Variants in CBL observed in about 807,000 individuals in gnomAD.
CBL encodes E3 ubiquitin-protein ligase CBL.
Under a neutral mutation model 96.9 loss-of-function variants are expected in CBL, and 45 were observed. That is an observed-to-expected ratio of 0.46 (90% confidence interval 0.37 to 0.60). The LOEUF is 0.60. Among genes scored for constraint, CBL ranks in the 20% least tolerant of loss-of-function variants. The probability of loss-of-function intolerance (pLI) is 0.00; values close to 1 mark genes in which losing one functional copy is unlikely to be tolerated. For missense variants in CBL, 1,024 were observed against 1,143.5 expected, an observed-to-expected ratio of 0.90 and a Z score of 1.51; for synonymous variants, 420 against 426.8, an observed-to-expected ratio of 0.98 and a Z score of 0.20.
chr11:119,229,681 A>G (rs1299150474), intron 1 of CBL, among the ~76,000 whole-genome samples: 1 of 152,052 alleles, frequency 6.6e-6, no homozygotes, highest in Non-Finnish European at 1.5e-5. Flanking sequence ...ATTGAGAATG[A>G]TGTATTTAGT....
At chr11:119,212,540 C>T (rs1180707020) in intron 1 of CBL, among the ~76,000 whole-genome samples, 1 of 151,856 alleles carries the variant, frequency 6.6e-6, no homozygotes, top group Non-Finnish European at 1.5e-5. Context: ...GCAGGAGAAT[C>T]CCTTGAACCC....
intron 2 of CBL, among the ~76,000 whole-genome samples, chr11:119,262,580 A>G (rs1949762117): frequency 6.6e-6 from 1 of 152,164 alleles, no homozygotes; most frequent in African/African-American, 2.4e-5. Flanking sequence ...AAAGTAGGTA[A>G]TATTTTCCAG....
At chr11:119,269,684 G>A (rs1479514656) in intron 2 of CBL, among the ~76,000 whole-genome samples, 4 of 151,998 alleles carry the variant, frequency 2.6e-5, no homozygotes, top group African/African-American at 4.8e-5. Flanking sequence ...AATTGATCAC[G>A]ATTTGACTTG....
intron 12 of CBL, among the ~76,000 whole-genome samples, chr11:119,289,043 T>C (rs1369557396): frequency 1.3e-5 from 2 of 152,214 alleles, no homozygotes; most frequent in Non-Finnish European, 2.9e-5. Flanking sequence ...TAGTTATCCT[T>C]CTGTTACTGC....
At chr11:119,240,944 G>C (rs532370798) in intron 2 of CBL, among the ~76,000 whole-genome samples, 1 of 152,102 alleles carries the variant, frequency 6.6e-6, no homozygotes, top group South Asian at 2.1e-4. Context: ...GTGGTAGCGG[G>C]CACCTGTAAT....
In CBL at chr11:119,306,515, A is replaced by C. The variant is rs1950142841; in HGVS notation, c.*6734A>C. On this transcript the variant is annotated 3_prime_UTR_variant, in exon 16 of 16. Transcript: ENST00000264033. ...ACTCCTCAGGCCTTGTGCCACCTCC[A>C]TGCTGAGCCCTGAAGCAGGGTGTCC... 3 of 396,864 alleles carry C rather than the reference A, an allele frequency of 7.6e-6. No individual in the cohort carries two copies. The highest frequency in any genetic ancestry group is 8.9e-6 in the Non-Finnish European group (2 of 225,370). 24.6% of individuals were successfully genotyped at this position (396,864 alleles called of 1,614,324 possible). A position where few individuals can be genotyped will look rare whatever the true frequency, so the allele number is the denominator to read the frequency against.
In CBL at chr11:119,299,536, C is replaced by G; in HGVS notation, c.2476C>G (p.Pro826Ala). The G allele has an allele frequency of 6.2e-7, 1 of 1,614,194 alleles. No individual in the cohort carries two copies. Among genetic ancestry groups the G allele is most frequent in the South Asian group, 1.1e-5 (1 of 91,084 alleles). ...CCAAGTTCCCGAGAGGCCTCCAAAA[C>G]CATTCCCGCGGAGAATCAACTCTGA... ...GSQVPERPPKPFPRRINSERK... is the reference protein window; with the variant it reads ...GSQVPERPPKAFPRRINSERK... The change falls in exon 16 of 16, where the codon CCA becomes GCA. Residue 826 changes from proline to alanine, a missense_variant. Transcript: ENST00000264033.
chr11:119,267,586 A>G (rs944976287), intron 2 of CBL, among the ~76,000 whole-genome samples: 7 of 152,216 alleles, frequency 4.6e-5, no homozygotes, highest in East Asian at 1.9e-4. Flanking sequence ...CTAAACAGCA[A>G]TCCTGCATGG....
chr11:119,248,780 A>G lies in CBL; in HGVS notation c.443+16085A>G, dbSNP rs558429657. On this transcript the variant is annotated intron_variant, in intron 2 of 15. Coordinates refer to ENST00000264033, the MANE Select transcript of CBL (RefSeq NM_005188.4). ...CATCCAGAACATGTAAAGAACTTCA[A>G]AACAACAACAAAACAAACCAATTCA... is the stretch of plus-strand genomic sequence containing the variant. 2.6e-5 allele frequency among the ~76,000 whole-genome samples: 4 copies of G among 152,338 alleles called. No individual in the cohort carries two copies. In the East Asian group the frequency reaches 5.8e-4, roughly 22 times the overall value.
At chr11:119,217,837 G>A (rs891248038) in intron 1 of CBL, among the ~76,000 whole-genome samples, 6 of 152,118 alleles carry the variant, frequency 3.9e-5, no homozygotes, top group Non-Finnish European at 7.4e-5. Context: ...TTGAGAGGCC[G>A]AGGCAGGAAG....
chr11:119,209,580 G>A (rs1246958589), intron 1 of CBL, among the ~76,000 whole-genome samples: 1 of 151,458 alleles, frequency 6.6e-6, no homozygotes, highest in Non-Finnish European at 1.5e-5. Flanking sequence ...TCGCACCACT[G>A]CACTCTAGCC....
intron 2 of CBL, among the ~76,000 whole-genome samples, chr11:119,261,530 G>A (rs180818492): frequency 6.6e-6 from 1 of 152,294 alleles, no homozygotes; most frequent in South Asian, 2.1e-4. Context: ...TTTCTAAAAG[G>A]TGCTTGGTGG....
At chr11:119,270,434 ATATTTTTTTT>A (rs1949836117) in intron 2 of CBL, among the ~76,000 whole-genome samples, 2 of 41,544 alleles carry the variant, frequency 4.8e-5, no homozygotes, top group Non-Finnish European at 4.1e-5. Flanking sequence ...ATATATATAT[ATATTTTTTTT>A]TTTTTTTTTT....
chr11:119,289,293 A>G (rs561624258), intron 12 of CBL, among the ~76,000 whole-genome samples: 2 of 152,300 alleles, frequency 1.3e-5, no homozygotes, highest in Admixed American at 6.5e-5. Flanking sequence ...TTCTCCACCT[A>G]TGACTGTGGT....
intron 1 of CBL, among the ~76,000 whole-genome samples, chr11:119,225,642 G>T (rs546964799): frequency 2.0e-5 from 3 of 151,244 alleles, no homozygotes; most frequent in Admixed American, 6.6e-5. Context: ...CAAGCGATCT[G>T]CCCACCTCAG....
chr11:119,285,124 G>A lies in CBL; in HGVS notation c.1563+24G>A, dbSNP rs756245011. 19 of 1,614,124 alleles carry A rather than the reference G, an allele frequency of 1.2e-5. No homozygotes were observed. The South Asian group carries it at 2.0e-4, about 17-fold the overall frequency. On this transcript the variant is annotated intron_variant, in intron 10 of 15. Coordinates refer to ENST00000264033, the MANE Select transcript of CBL (RefSeq NM_005188.4). ...AGGTAAAGCATTTTCCATTACTGCAGTTTTTGGATTCTTTGCTGTGTACTA... is the reference window on the plus strand; with the variant it reads ...AGGTAAAGCATTTTCCATTACTGCAATTTTTGGATTCTTTGCTGTGTACTA...
intron 12 of CBL, chr11:119,289,732 TA>T (rs1197761534): frequency 2.0e-5 from 3 of 152,144 alleles, no homozygotes; most frequent in Non-Finnish European, 4.4e-5. Flanking sequence ...ACTCTTGACT[TA>T]CTAGAGTTTG....
At chr11:119,284,696 A>T (rs1023467404) in intron 9 of CBL, among the ~76,000 whole-genome samples, 1 of 152,166 alleles carries the variant, frequency 6.6e-6, no homozygotes, top group Non-Finnish European at 1.5e-5. Flanking sequence ...AACTTTTTGT[A>T]GCCCTGTCCT....
chr11:119,244,874 T>C (rs1233808170), intron 2 of CBL, among the ~76,000 whole-genome samples: 2 of 151,482 alleles, frequency 1.3e-5, no homozygotes, highest in Non-Finnish European at 2.9e-5. Flanking sequence ...TGAGACAGGG[T>C]CTTGCTTTGT....
Sources: gnomAD v4.1 joint callset for allele counts (sites outside exome capture counted in the v4.1 genomes callset) on GRCh38, gnomAD v4.1.1 for gene constraint, MANE v1.5 for transcripts, NCBI Gene and HGNC (gene_info 2026-07-23, HGNC 2026-07-21) for gene names.